The following CUX2 variants were observed in gnomAD, a reference collection of about 807,000 sequenced individuals.
CUX2 encodes homeobox protein cut-like 2.
Under a neutral mutation model 144.8 loss-of-function variants are expected in CUX2, and 40 were observed. That is an observed-to-expected ratio of 0.28 (90% confidence interval 0.21 to 0.36). CUX2 has a LOEUF of 0.36. Among genes scored for constraint, CUX2 ranks in the 10% least tolerant of loss-of-function variants. The pLI, the probability that CUX2 is intolerant of heterozygous loss-of-function variation, is 1.00. For synonymous variants in CUX2, 827 were observed against 875.6 expected (o/e 0.94, Z 0.98); for missense variants, 1,615 against 1,994.0 (o/e 0.81, Z 3.62).
chr12:111,041,070 G>C (rs1298871344), intron 1 of CUX2, among the ~76,000 whole-genome samples: 2 of 152,220 alleles, frequency 1.3e-5, no homozygotes, highest in African/African-American at 4.8e-5. Flanking sequence ...TGAAGAGTCA[G>C]AGCAGTGAGA....
At chr12:111,045,886 A>G (rs775174040) in intron 1 of CUX2, among the ~76,000 whole-genome samples, 1 of 152,234 alleles carries the variant, frequency 6.6e-6, no homozygotes, top group Non-Finnish European at 1.5e-5. Context: ...GGACACCATC[A>G]TTCCCCAGTA....
At chr12:111,055,758 T>A in intron 1 of CUX2, among the ~76,000 whole-genome samples, 1 of 152,062 alleles carries the variant, frequency 6.6e-6, no homozygotes, top group Admixed American at 6.5e-5. Context: ...ATGGCACCCC[T>A]AGAAGGTTGG....
intron 1 of CUX2, among the ~76,000 whole-genome samples, chr12:111,103,474 C>T (rs1873395215): frequency 1.3e-5 from 2 of 152,126 alleles, no homozygotes; most frequent in African/African-American, 4.8e-5. Flanking sequence ...GACAGACAGG[C>T]GTACATCAAC....
At chr12:111,328,422 G>A (rs989053627) in intron 18 of CUX2, among the ~76,000 whole-genome samples, 9 of 152,254 alleles carry the variant, frequency 5.9e-5, no homozygotes, top group African/African-American at 9.6e-5. Context: ...GGGTATAATC[G>A]GCGCTACCTA....
rs76914812 is a variant in CUX2 at position 111,233,937 on chromosome 12, A to G, written c.222+16000A>G. Among the ~76,000 whole-genome samples, 736 of 152,278 alleles carry G rather than the reference A, an allele frequency of 4.8e-3. 5 individuals are homozygous for G. The highest frequency in any genetic ancestry group is 0.017 in the African/African-American group (708 of 41,546). On this transcript the variant is annotated intron_variant, in intron 3 of 21. Transcript: ENST00000261726. ...GATCCATGCAGTCATTCAGGGATCC[A>G]GGCGTCTACCATCATCTGGTAGGTG...
Position 111,312,315 on chromosome 12 carries a change from C to A in CUX2, c.2002+114C>A, listed in dbSNP as rs1261958617. The A allele has an allele frequency of 5.6e-6, 5 of 887,794 alleles. No homozygotes were observed. Among genetic ancestry groups the A allele is most frequent in the Non-Finnish European group, 6.9e-6 (4 of 579,856 alleles). 55.0% of individuals were successfully genotyped at this position (887,794 alleles called of 1,614,324 possible). A position where few individuals can be genotyped will look rare whatever the true frequency, so the allele number is the denominator to read the frequency against. On this transcript the variant is annotated intron_variant, in intron 16 of 21. Transcript: ENST00000261726. This position sits in a 1 kb window ranked among gnomAD's most constrained non-coding sequence, Gnocchi z 4.3. Reference sequence around the variant, plus strand: ...GAGGGAATCCAAGGTGGATCAGAACCACCAGAGGCCAGAGGGACCTGTCTA... The same window carrying A: ...GAGGGAATCCAAGGTGGATCAGAACAACCAGAGGCCAGAGGGACCTGTCTA...
rs1268081585 is a variant in CUX2, at chr12:111,034,345, G to A, written c.63+105G>A. The A allele has an allele frequency of 3.6e-6, 2 of 558,208 alleles. No homozygotes were observed. The highest frequency in any genetic ancestry group is 4.6e-6 in the Non-Finnish European group (2 of 434,342). 34.6% of individuals were successfully genotyped at this position (558,208 alleles called of 1,614,324 possible). ...GGGCAGGCGGACGCCCTGGGGCGGC[G>A]GGCGGCGGCTGCCGGGGCTCGCCGG... On this transcript the variant is annotated intron_variant, in intron 1 of 21. Transcript: ENST00000261726. The surrounding 1 kb of genome is among the most constrained non-coding windows in gnomAD (Gnocchi z 4.2).
At chr12:111,050,683 C>T (rs1870220768) in intron 1 of CUX2, among the ~76,000 whole-genome samples, 1 of 152,122 alleles carries the variant, frequency 6.6e-6, no homozygotes, top group African/African-American at 2.4e-5. Context: ...TCTCCTACCT[C>T]CATCTCCACC....
At chr12:111,297,659 C>A (rs1886081337) in intron 8 of CUX2, among the ~76,000 whole-genome samples, 1 of 152,194 alleles carries the variant, frequency 6.6e-6, no homozygotes, top group African/African-American at 2.4e-5. Flanking sequence ...ATTCATTCTG[C>A]AAACACTTAT....
At chr12:111,314,421 AC>A (rs1328004475) in intron 16 of CUX2, among the ~76,000 whole-genome samples, 1 of 152,038 alleles carries the variant, frequency 6.6e-6, no homozygotes, top group Non-Finnish European at 1.5e-5. Flanking sequence ...CGGGCAGATC[AC>A]CTGAGGTCAG....
rs1024092524 is a variant in CUX2 at position 111,287,204 on chromosome 12, G to A, written c.302-4214G>A. 6.6e-6 allele frequency among the ~76,000 whole-genome samples: 1 copy of A among 152,216 alleles called. No homozygotes were observed. Among genetic ancestry groups the A allele is most frequent in the Admixed American group, 6.5e-5 (1 of 15,280 alleles). ...CGAAATGTCAATACCTAATCCCTGC[G>A]AACAGGGTGAGTGACAGACATCCTT... On this transcript the variant is annotated intron_variant, in intron 4 of 21. Transcript: ENST00000261726. The surrounding 1 kb of genome is among the most constrained non-coding windows in gnomAD (Gnocchi z 4.2).
chr12:111,280,727 G>A (rs920053424), intron 4 of CUX2, among the ~76,000 whole-genome samples: 10 of 151,942 alleles, frequency 6.6e-5, no homozygotes, highest in South Asian at 2.1e-4. Flanking sequence ...CCATCTCAGC[G>A]TCCATCTTCA....
intron 1 of CUX2, among the ~76,000 whole-genome samples, chr12:111,109,039 G>C (rs1015915276): frequency 6.6e-6 from 1 of 152,206 alleles, no homozygotes; most frequent in Non-Finnish European, 1.5e-5. Context: ...TGATTGGTGG[G>C]TTCAGGAGCT....
intron 1 of CUX2, among the ~76,000 whole-genome samples, chr12:111,151,095 AGC>A (rs1877025001): frequency 6.6e-6 from 1 of 152,244 alleles, no homozygotes; most frequent in Admixed American, 6.5e-5. Flanking sequence ...GAAGAACTAT[AGC>A]AGTCATTTAA....
chr12:111,307,299 C>CCCTGGCCAAGAGCT lies in CUX2; in HGVS notation c.1109+50_1109+51insAGAGCTCCTGGCCA. 1 of 1,586,846 alleles carries CCCTGGCCAAGAGCT rather than the reference C, an allele frequency of 6.3e-7. No homozygotes were observed. The highest frequency in any genetic ancestry group is 8.6e-7 in the Non-Finnish European group (1 of 1,159,218). On this transcript the variant is annotated intron_variant, in intron 12 of 21. Coordinates refer to ENST00000261726, the MANE Select transcript of CUX2 (RefSeq NM_015267.4). The surrounding 1 kb of genome is among the most constrained non-coding windows in gnomAD (Gnocchi z 4.1). Reference sequence around the variant, plus strand: ...GGCTCCACAGACCCTCAGTGCTCTTCCCTGGCCAGGAGCTCTTGGCAAAGT... The same window carrying CCCTGGCCAAGAGCT: ...GGCTCCACAGACCCTCAGTGCTCTTCCCTGGCCAAGAGCTCCTGGCCAGGAGCTCTTGGCAAAGT...
chr12:111,262,379 CTT>C (rs5800924), intron 3 of CUX2, among the ~76,000 whole-genome samples: 17 of 139,554 alleles, frequency 1.2e-4, no homozygotes, highest in African/African-American at 1.4e-4. Context: ...TGTAATGGAT[CTT>C]TTTTTTTTTT....
intron 3 of CUX2, among the ~76,000 whole-genome samples, chr12:111,219,042 C>T (rs1881704421): frequency 6.6e-6 from 1 of 152,102 alleles, no homozygotes; most frequent in Non-Finnish European, 1.5e-5. Context: ...CAGGCAGGAC[C>T]CCAGAAGGAT....
rs1871127521 is a variant in CUX2, at chr12:111,068,772, GC to G, written c.63+34535del. 6.6e-6 allele frequency among the ~76,000 whole-genome samples: 1 copy of G among 152,200 alleles called. No homozygotes were observed. Among genetic ancestry groups the G allele is most frequent in the African/African-American group, 2.4e-5 (1 of 41,456 alleles). ...ACGGGGTGCCGGTAATGCCCCCATGGCCCTCCTGTTGGACAGGAGGGGAAAA... is the reference window on the plus strand; with the variant it reads ...ACGGGGTGCCGGTAATGCCCCCATGGCCTCCTGTTGGACAGGAGGGGAAAA... On this transcript the variant is annotated intron_variant, in intron 1 of 21. Transcript: ENST00000261726. This position sits in a 1 kb window ranked among gnomAD's most constrained non-coding sequence, Gnocchi z 4.9.
intron 21 of CUX2, among the ~76,000 whole-genome samples, chr12:111,343,385 G>T (rs1888658880): frequency 6.6e-6 from 1 of 152,074 alleles, no homozygotes; most frequent in African/African-American, 2.4e-5. Context: ...AAGAACACTT[G>T]GGGGGATTTC....
Sources: gnomAD v4.1 joint callset for allele counts (sites outside exome capture counted in the v4.1 genomes callset) on GRCh38, gnomAD v4.1.1 for gene constraint, Gnocchi (gnomAD v3.1) non-coding constraint, MANE v1.5 for transcripts, NCBI Gene and HGNC (gene_info 2026-07-23, HGNC 2026-07-21) for gene names.